INPP5A: variants seen among roughly 807,000 people sequenced by gnomAD.
INPP5A encodes inositol polyphosphate-5-phosphatase A, also known as 43 kDa inositol polyphosphate 5-phophatase.
In INPP5A, 14 loss-of-function variants were observed where a neutral mutation model predicts 65.2. The ratio of observed to expected loss-of-function variants is 0.21; its 90% CI spans 0.14 to 0.34. The LOEUF is 0.34. INPP5A is among the 10% of genes least tolerant of loss of function. INPP5A has a pLI of 1.00. For synonymous variants in INPP5A, 207 were observed against 208.3 expected, an observed-to-expected ratio of 0.99 and a Z score of 0.05; for missense variants, 431 against 545.6, an observed-to-expected ratio of 0.79 and a Z score of 2.09.
At chr10:132,593,418 A>G (rs1357136875) in intron 1 of INPP5A, among the ~76,000 whole-genome samples, 1 of 152,316 alleles carries the variant, frequency 6.6e-6, no homozygotes, top group African/African-American at 2.4e-5. Context: ...ATTAACCTTC[A>G]TTTATTACTT....
At chr10:132,617,584 G>A (rs2072056656) in intron 2 of INPP5A, among the ~76,000 whole-genome samples, 1 of 152,156 alleles carries the variant, frequency 6.6e-6, no homozygotes, top group African/African-American at 2.4e-5. Flanking sequence ...TGCAGGTGAG[G>A]TAGCCAGGAC....
chr10:132,704,217 G>T lies in INPP5A; in HGVS notation c.475-4096G>T, dbSNP rs906397421. Among the ~76,000 whole-genome samples, 1 of 152,090 alleles carries T rather than the reference G, an allele frequency of 6.6e-6. No individual in the cohort carries two copies. The highest frequency in any genetic ancestry group is 6.5e-5 in the Admixed American group (1 of 15,280). On this transcript the variant is annotated intron_variant, in intron 6 of 15. Transcript: ENST00000368594. The surrounding 1 kb of genome is among the most constrained non-coding windows in gnomAD (Gnocchi z 4.5). The stretch of plus-strand genomic sequence containing the variant: ...GTATTGAGGCGCCTTGGCCTGCAGG[G>T]ACGGTACCTTTTCTCCTGGAAAGAC...
chr10:132,540,632 T>TG (rs1185281271), intron 1 of INPP5A, among the ~76,000 whole-genome samples: 1 of 152,202 alleles, frequency 6.6e-6, no homozygotes, highest in East Asian at 1.9e-4. Context: ...GCCTGGCCGG[T>TG]GGAAGGAAAT....
intron 9 of INPP5A, among the ~76,000 whole-genome samples, chr10:132,736,911 T>A (rs938797638): frequency 2.6e-5 from 4 of 152,216 alleles, no homozygotes; most frequent in Non-Finnish European, 5.9e-5. Context: ...GGCTGCCTTG[T>A]TGAGCCCCTC....
chr10:132,559,245 C>T (rs777122587), intron 1 of INPP5A, among the ~76,000 whole-genome samples: 1 of 152,242 alleles, frequency 6.6e-6, no homozygotes, highest in Non-Finnish European at 1.5e-5. Context: ...TCCCCTCTCC[C>T]CGGCCCTGCT....
intron 11 of INPP5A, among the ~76,000 whole-genome samples, chr10:132,764,288 C>G (rs1281250450): frequency 4.6e-5 from 7 of 152,246 alleles, no homozygotes; most frequent in African/African-American, 1.7e-4. Context: ...CAATGCCATG[C>G]CCTGCACAGC....
intron 9 of INPP5A, among the ~76,000 whole-genome samples, chr10:132,747,213 C>G: frequency 6.6e-6 from 1 of 152,250 alleles, no homozygotes; most frequent in African/African-American, 2.4e-5. Context: ...GGGGCCGGAC[C>G]TCCTTGGGAC....
intron 1 of INPP5A, among the ~76,000 whole-genome samples, chr10:132,589,573 T>G (rs941648942): frequency 6.6e-6 from 1 of 152,238 alleles, no homozygotes; most frequent in Non-Finnish European, 1.5e-5. Flanking sequence ...TTGGGAAGCC[T>G]TCTGCCTGTA....
rs1448546600 is a variant in INPP5A, at chr10:132,698,897, G to A, written c.474+978G>A. Among the ~76,000 whole-genome samples the A allele has an allele frequency of 1.3e-5, 2 of 152,200 alleles. No individual in the cohort carries two copies. Among genetic ancestry groups the A allele is most frequent in the South Asian group, 2.1e-4 (1 of 4,834 alleles). On this transcript the variant is annotated intron_variant, in intron 6 of 15. Transcript: ENST00000368594. This position sits in a 1 kb window ranked among gnomAD's most constrained non-coding sequence, Gnocchi z 5.5. The stretch of plus-strand genomic sequence containing the variant: ...ACTTTATTAACTTGCTTTATGGCCC[G>A]CACCTTGAGTGAGGGACTGTGGCCG...
In INPP5A at chr10:132,579,918, G is replaced by GTT. The variant is rs35846779; in HGVS notation, c.76-27984_76-27983dup. 2.9e-3 allele frequency among the ~76,000 whole-genome samples: 406 copies of GTT among 141,694 alleles called. 2 individuals carry two copies. The highest frequency in any genetic ancestry group is 4.8e-3 in the East Asian group (23 of 4,768). The allele number at this position is 141,694 out of a possible 152,430, so 93.0% of individuals were successfully genotyped here. A position where few individuals can be genotyped will look rare whatever the true frequency, so the allele number is the denominator to read the frequency against. ...GCCACCATGCCTTGCCTGTTTAAAAGTTTTTTTTTTTTTTGTAGAGATGGA... is the reference window on the plus strand; with the variant it reads ...GCCACCATGCCTTGCCTGTTTAAAAGTTTTTTTTTTTTTTTTGTAGAGATGGA... On this transcript the variant is annotated intron_variant, in intron 1 of 15. Coordinates refer to ENST00000368594, the MANE Select transcript of INPP5A (RefSeq NM_005539.5).
At chr10:132,695,206 A>T (rs1455132348) in intron 5 of INPP5A, among the ~76,000 whole-genome samples, 1 of 152,184 alleles carries the variant, frequency 6.6e-6, no homozygotes, top group African/African-American at 2.4e-5. Context: ...AAAATCAATT[A>T]ATGTAATCCA....
chr10:132,710,892 C>T (rs1267892530), intron 8 of INPP5A, among the ~76,000 whole-genome samples: 2 of 151,828 alleles, frequency 1.3e-5, no homozygotes, highest in Non-Finnish European at 2.9e-5. Flanking sequence ...GTCGGTGTGT[C>T]CACTCACCCT....
intron 6 of INPP5A, among the ~76,000 whole-genome samples, chr10:132,700,132 G>A (rs896138302): frequency 6.6e-6 from 1 of 152,176 alleles, no homozygotes; most frequent in South Asian, 2.1e-4. Flanking sequence ...CCCAGCCTGG[G>A]TCCAACCCCA....
chr10:132,769,741 C>G (rs577651832), intron 12 of INPP5A, among the ~76,000 whole-genome samples: 138 of 152,248 alleles, frequency 9.1e-4, no homozygotes, highest in African/African-American at 3.1e-3. Context: ...CGCCAAGGCC[C>G]TCAGGGCAGG....
chr10:132,763,842 C>T (rs913544772), intron 11 of INPP5A, among the ~76,000 whole-genome samples: 5 of 152,262 alleles, frequency 3.3e-5, no homozygotes, highest in South Asian at 2.1e-4. Flanking sequence ...TGCAAACACA[C>T]ACATGCCTGT....
intron 1 of INPP5A, among the ~76,000 whole-genome samples, chr10:132,556,950 G>A (rs890746282): frequency 5.3e-5 from 8 of 152,166 alleles, no homozygotes; most frequent in Admixed American, 4.6e-4. Context: ...TGACTTCTCA[G>A]GACGGTGTTT....
intron 2 of INPP5A, among the ~76,000 whole-genome samples, chr10:132,613,921 A>G (rs545147079): frequency 1.3e-5 from 2 of 152,330 alleles, no homozygotes; most frequent in East Asian, 3.9e-4. Flanking sequence ...ATTATTTTTC[A>G]AAATAGCCTT....
chr10:132,624,512 ACTTCCACCG>A (rs1335621311), intron 2 of INPP5A, among the ~76,000 whole-genome samples: 14 of 141,760 alleles, frequency 9.9e-5, no homozygotes, highest in African/African-American at 3.7e-4. Context: ...GCGTGTCTGC[ACTTCCACCG>A]GCGTGTCTGC....
chr10:132,575,791 C>A lies in INPP5A; in HGVS notation c.76-32124C>A, dbSNP rs2071406211. 6.6e-6 allele frequency among the ~76,000 whole-genome samples: 1 copy of A among 152,142 alleles called. No individual in the cohort carries two copies. Among genetic ancestry groups the A allele is most frequent in the African/African-American group, 2.4e-5 (1 of 41,428 alleles). On this transcript the variant is annotated intron_variant, in intron 1 of 15. Transcript: ENST00000368594. This position sits in a 1 kb window ranked among gnomAD's most constrained non-coding sequence, Gnocchi z 5.4. ...TGGTGTGTGCGGCCCAGGGCCCTGG[C>A]AGTGGGGAGTGTGTGGTCCCCTAGT...
Sources: gnomAD v4.1 joint callset for allele counts (sites outside exome capture counted in the v4.1 genomes callset) on GRCh38, gnomAD v4.1.1 for gene constraint, Gnocchi (gnomAD v3.1) non-coding constraint, MANE v1.5 for transcripts, NCBI Gene and HGNC (gene_info 2026-07-23, HGNC 2026-07-21) for gene names.